Variants in PLAT observed in about 807,000 individuals in gnomAD.
PLAT encodes tissue-type plasminogen activator.
PLAT carries 48 observed loss-of-function variants against 74.9 expected under a neutral mutation model. The ratio of observed to expected loss-of-function variants is 0.64; its 90% CI spans 0.51 to 0.82. PLAT has a LOEUF of 0.82. Among genes scored for constraint, PLAT ranks in the 40% least tolerant of loss-of-function variants. The pLI is 0.00. For missense variants in PLAT, 673 were observed against 736.2 expected, an observed-to-expected ratio of 0.91 and a Z score of 0.99; for synonymous variants, 307 against 294.4, an observed-to-expected ratio of 1.04 and a Z score of -0.44.
intron 6 of PLAT, chr8:42,185,779 G>GT (rs1177147867): frequency 6.6e-6 from 1 of 152,260 alleles, no homozygotes; most frequent in Admixed American, 6.5e-5. Context: ...TTGTGAAAGT[G>GT]TTTTATAGAT....
At chr8:42,193,478 C>T (rs1040177321) in intron 1 of PLAT, 8 of 289,350 alleles carry the variant, frequency 2.8e-5, no homozygotes, top group African/African-American at 1.1e-4. Flanking sequence ...TGCGGCCGGC[C>T]GTCACCACCG....
chr8:42,205,278 G>A (rs1806287229), intron 1 of PLAT, among the ~76,000 whole-genome samples: 1 of 152,200 alleles, frequency 6.6e-6, no homozygotes, highest in African/African-American at 2.4e-5. Context: ...TGTAATCCCA[G>A]CACTTCGGGG....
At chr8:42,179,384 C>T (rs1298261117) in intron 12 of PLAT, among the ~76,000 whole-genome samples, 1 of 152,180 alleles carries the variant, frequency 6.6e-6, no homozygotes, top group African/African-American at 2.4e-5. Flanking sequence ...CGTTAACCCT[C>T]ACCCTAAACT....
chr8:42,193,328 A>T, intron 1 of PLAT, 117 bp from the exon 2 acceptor site: 2 of 645,654 alleles, frequency 3.1e-6, no homozygotes, highest in Non-Finnish European at 5.6e-6. Flanking sequence ...GCCCCGCGGC[A>T]GAAACGCCAG....
Position 42,187,367 on chromosome 8 carries a change from G to C in PLAT, c.539+31C>G, listed in dbSNP as rs759695752. On this transcript the variant is annotated intron_variant, in intron 6 of 13. Transcript: ENST00000220809. Reference sequence around the variant, plus strand: ...CCCCAGCTGTAGCAGCTTCTCACAGGGGGAATCCCTCCTTGGGGATGTGCC... The same window carrying C: ...CCCCAGCTGTAGCAGCTTCTCACAGCGGGAATCCCTCCTTGGGGATGTGCC... 29 of 1,523,794 alleles carry C rather than the reference G, an allele frequency of 1.9e-5. No homozygotes were observed. The East Asian group carries it at 5.7e-4, about 30-fold the overall frequency. 94.4% of individuals were successfully genotyped at this position (1,523,794 alleles called of 1,614,324 possible).
At chr8:42,203,361 G>A (rs1334388050) in intron 1 of PLAT, among the ~76,000 whole-genome samples, 2 of 152,166 alleles carry the variant, frequency 1.3e-5, no homozygotes, top group East Asian at 3.9e-4. Flanking sequence ...GCTGGGTCTT[G>A]GCCATTGGTG....
intron 1 of PLAT, among the ~76,000 whole-genome samples, chr8:42,205,967 C>G (rs1806315997): frequency 1.3e-5 from 2 of 152,248 alleles, no homozygotes; most frequent in African/African-American, 4.8e-5. Context: ...TCAGCAACGT[C>G]AGGCCCTGGG....
intron 6 of PLAT, chr8:42,186,897 ATG>A (rs1368662079): frequency 5.3e-5 from 8 of 149,996 alleles, no homozygotes; most frequent in Admixed American, 2.0e-4. Flanking sequence ...ATTATCATCT[ATG>A]TATCATCTAT....
chr8:42,181,227 T>A (rs1221200873), intron 9 of PLAT, among the ~76,000 whole-genome samples: 1 of 152,234 alleles, frequency 6.6e-6, no homozygotes, highest in Non-Finnish European at 1.5e-5. Flanking sequence ...GGACTTGTGT[T>A]CCTTGGGGAA....
At chr8:42,186,021 A>G (rs1411864993) in intron 6 of PLAT, 1 of 152,044 alleles carries the variant, frequency 6.6e-6, no homozygotes, top group East Asian at 1.9e-4. Flanking sequence ...CTTAACATAA[A>G]TGTCTATCTA....
chr8:42,198,618 CAAG>C (rs1321035859), intron 1 of PLAT, among the ~76,000 whole-genome samples: 2 of 152,134 alleles, frequency 1.3e-5, no homozygotes, highest in Non-Finnish European at 2.9e-5. Flanking sequence ...CTCTTGCCAG[CAAG>C]AAGAAGGCAG....
chr8:42,181,474 G>A (rs1450950893), intron 9 of PLAT, among the ~76,000 whole-genome samples: 2 of 152,246 alleles, frequency 1.3e-5, no homozygotes, highest in East Asian at 1.9e-4. Context: ...TTTACCTCCC[G>A]GTGCCCAGCG....
intron 1 of PLAT, among the ~76,000 whole-genome samples, chr8:42,203,714 C>T (rs1485224842): frequency 2.6e-5 from 4 of 152,050 alleles, no homozygotes; most frequent in Non-Finnish European, 5.9e-5. Context: ...CCTGTAATCC[C>T]AGCATTTTGT....
In PLAT at chr8:42,193,205, T is replaced by G; in HGVS notation, c.-20A>C. 2 of 1,606,606 alleles carry G rather than the reference T, an allele frequency of 1.2e-6. No homozygotes were observed. Among genetic ancestry groups the G allele is most frequent in the Non-Finnish European group, 1.7e-6 (2 of 1,173,406 alleles). The stretch of plus-strand genomic sequence containing the variant: ...ATCCATGATTGCTTCACAGCGTCCC[T>G]TAAATTCTGGAAGGAGAGAAAAAAC... On this transcript the variant is annotated 5_prime_UTR_variant, in exon 2 of 14. Transcript: ENST00000220809.
rs1805137683 is a variant in PLAT, at chr8:42,179,780, C to A, written c.1363+146G>T. The stretch of plus-strand genomic sequence containing the variant: ...GTGAGGCAGAGACAGCAGAGACGGG[C>A]CCCCACGACACAGGGAGACGGGACT... On this transcript the variant is annotated intron_variant, in intron 12 of 13. Transcript: ENST00000220809. 76 of 780,254 alleles carry A rather than the reference C, an allele frequency of 9.7e-5. No individual in the cohort carries two copies. In the South Asian group the frequency reaches 1.4e-3, roughly 15 times the overall value. 48.3% of individuals were successfully genotyped at this position (780,254 alleles called of 1,614,324 possible). A position where few individuals can be genotyped will look rare whatever the true frequency, so the allele number is the denominator to read the frequency against.
At chr8:42,185,338 A>G in intron 6 of PLAT, 166 bp from the exon 7 acceptor site, 1 of 441,456 alleles carries the variant, frequency 2.3e-6, no homozygotes, top group South Asian at 4.8e-5. Flanking sequence ...ATCTCCTCTC[A>G]CTGCAACCTC....
intron 1 of PLAT, among the ~76,000 whole-genome samples, chr8:42,204,733 A>G (rs553089959): frequency 6.7e-6 from 1 of 149,144 alleles, no homozygotes; most frequent in East Asian, 2.0e-4. Context: ...AAAAAAGAAA[A>G]GAAAAATTGG....
intron 6 of PLAT, chr8:42,186,797 A>G (rs1805476844): frequency 6.6e-6 from 1 of 151,170 alleles, no homozygotes. Context: ...TCTTACATCT[A>G]CTATCACCTA....
intron 13 of PLAT, among the ~76,000 whole-genome samples, chr8:42,176,905 TTTAG>T (rs1396223552): frequency 7.3e-6 from 1 of 137,762 alleles, no homozygotes; most frequent in African/African-American, 3.6e-5. Context: ...TGGGTCTTTA[TTTAG>T]AAGTTTGCTG....
Sources: gnomAD v4.1 joint callset for allele counts (sites outside exome capture counted in the v4.1 genomes callset) on GRCh38, gnomAD v4.1.1 for gene constraint, MANE v1.5 for transcripts, NCBI Gene and HGNC (gene_info 2026-07-23, HGNC 2026-07-21) for gene names.